Variants in CDH11 observed in about 807,000 individuals in gnomAD.
The protein encoded by CDH11 is cadherin 11.
In CDH11, 11 loss-of-function variants were observed where a neutral mutation model predicts 67.8. The observed-to-expected ratio is 0.16, with a 90% CI of 0.10 to 0.27. The LOEUF (loss-of-function observed/expected upper bound fraction) is 0.27. CDH11 is among the 10% of genes least tolerant of loss of function. The pLI, the probability that CDH11 is intolerant of heterozygous loss-of-function variation, is 1.00. For missense variants in CDH11, 847 were observed against 1,031.2 expected (o/e 0.82, Z 2.45); for synonymous variants, 419 against 400.0 (o/e 1.05, Z -0.57).
rs2071191680 is a variant in CDH11 at position 64,946,114 on chromosome 16, T to C, written c.*1489A>G. ...TCCAAAATGGTCCCTGCCCTCATTCTGAGCTTACGGCCCCAAGCATATTCT... is the reference window on the plus strand; with the variant it reads ...TCCAAAATGGTCCCTGCCCTCATTCCGAGCTTACGGCCCCAAGCATATTCT... On this transcript the variant is annotated 3_prime_UTR_variant, in exon 13 of 13. Transcript: ENST00000268603. The C allele has an allele frequency of 1.9e-6, 2 of 1,056,878 alleles. No individual in the cohort carries two copies. Among genetic ancestry groups the C allele is most frequent in the Admixed American group, 5.4e-5 (1 of 18,368 alleles). The allele number at this position is 1,056,878 out of a possible 1,614,324, so 65.5% of individuals were successfully genotyped here.
chr16:64,945,948 C>A lies in CDH11; in HGVS notation c.*1655G>T. ...GCAGTGTGACTTTATGTGGTCTTTC[C>A]CCAAGTATTGCTACGTTTTGACCTT... On this transcript the variant is annotated 3_prime_UTR_variant, in exon 13 of 13. Coordinates refer to ENST00000268603, the MANE Select transcript of CDH11 (RefSeq NM_001797.4). 1 of 1,058,366 alleles carries A rather than the reference C, an allele frequency of 9.4e-7. No individual in the cohort carries two copies. The highest frequency in any genetic ancestry group is 4.6e-5 in the South Asian group (1 of 21,904). 65.6% of individuals were successfully genotyped at this position (1,058,366 alleles called of 1,614,324 possible).
intron 1 of CDH11, chr16:65,118,697 A>G (rs760364990): frequency 6.6e-6 from 1 of 152,216 alleles, no homozygotes; most frequent in African/African-American, 2.4e-5. Context: ...GGAAAAAAAA[A>G]CTTGAAAGTT....
At position 65,098,515 on chromosome 16, in the gene CDH11, A is replaced by AGTGT. The variant is rs35258390; in HGVS notation, c.-298+23361_-298+23364dup. ...ATCGCAGATTGCAACTGTGTCTTCA[A>AGTGT]GTGTGTGTGTGTGTGTGTGTGTGCG... is the stretch of plus-strand genomic sequence containing the variant. On this transcript the variant is annotated intron_variant, in intron 1 of 12. Coordinates refer to ENST00000268603, the MANE Select transcript of CDH11 (RefSeq NM_001797.4). Among the ~76,000 whole-genome samples, 403 of 148,432 alleles carry AGTGT rather than the reference A, an allele frequency of 2.7e-3. 1 individual carries two copies. The highest frequency in any genetic ancestry group is 8.2e-3 in the African/African-American group (333 of 40,582).
At chr16:65,119,795 A>T (rs1188682634) in intron 1 of CDH11, among the ~76,000 whole-genome samples, 3 of 152,232 alleles carry the variant, frequency 2.0e-5, no homozygotes, top group African/African-American at 7.2e-5. Flanking sequence ...TAATGTCTTA[A>T]TTTACAATGT....
chr16:64,972,343 T>C (rs1213466146), intron 9 of CDH11, among the ~76,000 whole-genome samples: 1 of 152,224 alleles, frequency 6.6e-6, no homozygotes, highest in Admixed American at 6.5e-5. Context: ...TCATGGAGCC[T>C]GATCCCCAGA....
intron 7 of CDH11, among the ~76,000 whole-genome samples, chr16:64,984,382 G>C (rs991930394): frequency 1.3e-5 from 2 of 152,218 alleles, no homozygotes; most frequent in East Asian, 3.9e-4. Flanking sequence ...GGGGCTGATA[G>C]ATGCTTAACA....
chr16:64,984,901 A>G (rs2072447044), intron 7 of CDH11: 1 of 152,260 alleles, frequency 6.6e-6, no homozygotes, highest in African/African-American at 2.4e-5. Flanking sequence ...CAAAGAATAT[A>G]AAGAAAAATC....
intron 4 of CDH11, among the ~76,000 whole-genome samples, chr16:64,997,657 T>C (rs527574349): frequency 6.6e-6 from 1 of 152,306 alleles, no homozygotes; most frequent in East Asian, 1.9e-4. Context: ...TGGTTCAGGC[T>C]GGCTTTTGAT....
At chr16:65,056,211 A>T (rs1016785168) in intron 1 of CDH11, among the ~76,000 whole-genome samples, 5 of 152,292 alleles carry the variant, frequency 3.3e-5, no homozygotes, top group Admixed American at 1.3e-4. Context: ...AATACTCGAT[A>T]TTACTGTGCT....
At chr16:65,025,435 C>T (rs760395683) in intron 2 of CDH11, among the ~76,000 whole-genome samples, 30 of 152,132 alleles carry the variant, frequency 2.0e-4, no homozygotes, top group Non-Finnish European at 3.5e-4. Flanking sequence ...CTCCGCCTCC[C>T]GGGTTCAAAC....
intron 8 of CDH11, among the ~76,000 whole-genome samples, chr16:64,979,110 T>G (rs1202192256): frequency 1.3e-5 from 2 of 152,136 alleles, no homozygotes; most frequent in African/African-American, 4.8e-5. Context: ...AATTCTTGAA[T>G]AGATATTTCT....
chr16:65,061,700 C>A (rs2074237876), intron 1 of CDH11, among the ~76,000 whole-genome samples: 1 of 152,204 alleles, frequency 6.6e-6, no homozygotes, highest in South Asian at 2.1e-4. Flanking sequence ...GGATTTAAGG[C>A]ATGAATGCCA....
intron 2 of CDH11, among the ~76,000 whole-genome samples, chr16:65,035,459 C>T (rs1318985066): frequency 1.3e-5 from 2 of 152,208 alleles, no homozygotes; most frequent in Non-Finnish European, 2.9e-5. Flanking sequence ...GCACCCACAG[C>T]AGTGCCCCTG....
chr16:65,054,451 T>C (rs975670438), intron 1 of CDH11, among the ~76,000 whole-genome samples: 4 of 152,160 alleles, frequency 2.6e-5, no homozygotes, highest in Admixed American at 6.5e-5. Context: ...GACCAGAGCA[T>C]TGGGCTGACA....
chr16:65,045,146 A>G (rs563669711), intron 2 of CDH11, among the ~76,000 whole-genome samples: 1 of 151,542 alleles, frequency 6.6e-6, no homozygotes, highest in East Asian at 2.0e-4. Context: ...CCATCCCCCT[A>G]GGTCCATCTT....
At chr16:65,086,554 G>A (rs2074702410) in intron 1 of CDH11, among the ~76,000 whole-genome samples, 1 of 152,198 alleles carries the variant, frequency 6.6e-6, no homozygotes, top group South Asian at 2.1e-4. Flanking sequence ...CTGTTATGAT[G>A]TACAGAATGA....
intron 2 of CDH11, among the ~76,000 whole-genome samples, chr16:65,027,706 T>C (rs1391081761): frequency 6.6e-6 from 1 of 152,140 alleles, no homozygotes; most frequent in African/African-American, 2.4e-5. Context: ...CACAGAAATA[T>C]AGTTTGATCT....
chr16:65,083,548 A>G (rs1463103033), intron 1 of CDH11, among the ~76,000 whole-genome samples: 1 of 152,248 alleles, frequency 6.6e-6, no homozygotes, highest in East Asian at 1.9e-4. Flanking sequence ...CTGGAAAAAC[A>G]ATGGGCCAAC....
chr16:65,038,000 C>CT (rs1164535233), intron 2 of CDH11, among the ~76,000 whole-genome samples: 1 of 151,240 alleles, frequency 6.6e-6, no homozygotes, highest in Non-Finnish European at 1.5e-5. Flanking sequence ...CTTTTTTTTT[C>CT]TTTTTTAATA....
Sources: gnomAD v4.1 joint callset for allele counts (sites outside exome capture counted in the v4.1 genomes callset) on GRCh38, gnomAD v4.1.1 for gene constraint, MANE v1.5 for transcripts, NCBI Gene and HGNC (gene_info 2026-07-23, HGNC 2026-07-21) for gene names.